The following NMRK1 variants were observed in gnomAD, a reference collection of about 807,000 sequenced individuals.
NMRK1 encodes NRK 1.
In NMRK1, 28 loss-of-function variants were observed where a neutral mutation model predicts 29.9. The ratio of observed to expected loss-of-function variants is 0.94; its 90% CI spans 0.69 to 1.28. The LOEUF (loss-of-function observed/expected upper bound fraction) is 1.28, where lower values mean the gene tolerates loss of function less well. NMRK1 is among the 50% of genes most tolerant of loss of function. NMRK1 has a pLI of 0.00. For missense variants in NMRK1, 218 were observed against 233.1 expected, an observed-to-expected ratio of 0.94 and a Z score of 0.42; for synonymous variants, 58 against 73.0, an observed-to-expected ratio of 0.79 and a Z score of 1.05.
rs1822968165 is a variant in NMRK1, at chr9:75,060,647, A to T, written c.*901T>A. On this transcript the variant is annotated 3_prime_UTR_variant, in exon 9 of 9. Transcript: ENST00000361092. ...TAATTTAAATTCCAGCATTGAAAGC[A>T]GCCTCAAGAGATCACACAATTCAGA... The T allele has an allele frequency of 6.6e-6, 1 of 152,218 alleles. No homozygotes were observed. Among genetic ancestry groups the T allele is most frequent in the Non-Finnish European group, 1.5e-5 (1 of 68,040 alleles). 9.4% of individuals were successfully genotyped at this position (152,218 alleles called of 1,614,324 possible). A position where few individuals can be genotyped will look rare whatever the true frequency, so the allele number is the denominator to read the frequency against.
Position 75,083,147 on chromosome 9 carries a change from T to G in NMRK1, c.-32A>C. 6.7e-7 allele frequency: 1 copy of G among 1,485,334 alleles called. No individual in the cohort carries two copies. The highest frequency in any genetic ancestry group is 9.4e-7 in the Non-Finnish European group (1 of 1,062,756). 92.0% of individuals were successfully genotyped at this position (1,485,334 alleles called of 1,614,324 possible). A position where few individuals can be genotyped will look rare whatever the true frequency, so the allele number is the denominator to read the frequency against. Reference sequence around the variant, plus strand: ...CTTTGAAAATCACAGCTTCCTAATATTTCCTAAAAGTAAAAAAACAAACAA... The same window carrying G: ...CTTTGAAAATCACAGCTTCCTAATAGTTCCTAAAAGTAAAAAAACAAACAA... On this transcript the variant is annotated 5_prime_UTR_variant, in exon 2 of 9. Coordinates refer to ENST00000361092, the MANE Select transcript of NMRK1 (RefSeq NM_017881.3).
intron 7 of NMRK1, chr9:75,067,210 C>T (rs1469129689): frequency 5.7e-6 from 1 of 176,094 alleles, no homozygotes; most frequent in African/African-American, 2.4e-5. Flanking sequence ...AATTCTTCAA[C>T]ATACTTATAC....
intron 2 of NMRK1, among the ~76,000 whole-genome samples, chr9:75,080,870 C>T (rs141542386): frequency 1.3e-3 from 200 of 152,284 alleles, no homozygotes; most frequent in Non-Finnish European, 2.5e-3. Context: ...TCCCCTTCAT[C>T]TTCCACCATG....
chr9:75,075,631 A>C (rs1823945473), intron 4 of NMRK1, among the ~76,000 whole-genome samples: 1 of 152,212 alleles, frequency 6.6e-6, no homozygotes, highest in East Asian at 1.9e-4. Flanking sequence ...TCTACAAAAA[A>C]TGTTTTATGA....
chr9:75,073,967 G>A (rs1157718010), intron 4 of NMRK1, among the ~76,000 whole-genome samples: 1 of 152,186 alleles, frequency 6.6e-6, no homozygotes, highest in Non-Finnish European at 1.5e-5. Context: ...AGTTGCTAGA[G>A]TTATAACAGT....
chr9:75,079,107 A>T (rs1254456568), intron 2 of NMRK1, among the ~76,000 whole-genome samples: 1 of 152,222 alleles, frequency 6.6e-6, no homozygotes, highest in Non-Finnish European at 1.5e-5. Flanking sequence ...AATCTAGAAA[A>T]GGGAAAATGA....
At position 75,069,921 on chromosome 9, in the gene NMRK1, G is replaced by C. The variant is rs144657237; in HGVS notation, c.291C>G (p.Ile97Met). ...ESAEEIPILI[I>M]EGFLLFNYKP... The stretch of plus-strand genomic sequence containing the variant: ...TATAATTAAAAAGAAGAAAACCTTC[G>C]ATGATTAAAATGGGAATTTCCTCAG... Residue 97 changes from isoleucine to methionine, a missense_variant, in exon 5 of 9, where the codon ATC (isoleucine) becomes ATG (methionine). Ile to Met is a conservative substitution (Grantham distance 10). Transcript: ENST00000361092. 5.6e-6 allele frequency: 9 copies of C among 1,613,728 alleles called. No individual in the cohort carries two copies. In the East Asian group the frequency reaches 1.8e-4, roughly 32 times the overall value.
At chr9:75,083,057 TAAA>T (rs1564142162) in intron 2 of NMRK1, 27 bp downstream of exon 2, 2 of 1,525,454 alleles carry the variant, frequency 1.3e-6, no homozygotes, top group South Asian at 2.2e-5. Flanking sequence ...CTCAGTATCT[TAAA>T]GAGCTGTTTG....
chr9:75,066,336 T>C (rs1426992988), intron 8 of NMRK1: 3 of 490,060 alleles, frequency 6.1e-6, no homozygotes, highest in East Asian at 5.7e-5. Context: ...TTAAAATCTT[T>C]TGTTTATCTT....
intron 2 of NMRK1, chr9:75,082,862 G>A (rs918029895): frequency 3.8e-6 from 2 of 530,458 alleles, no homozygotes; most frequent in African/African-American, 3.9e-5. Flanking sequence ...TGGGAAAGTG[G>A]GTAAATGTGG....
chr9:75,060,782 GA>G lies in NMRK1; in HGVS notation c.*765del, dbSNP rs1186314859. Reference sequence around the variant, plus strand: ...GTTTGACAAAAACAAAATGAACCACGAGGGGGGAGAAAGAAACCAGAAACCC... The same window carrying G: ...GTTTGACAAAAACAAAATGAACCACGGGGGGGAGAAAGAAACCAGAAACCC... On this transcript the variant is annotated 3_prime_UTR_variant, in exon 9 of 9. Transcript: ENST00000361092. 1 of 148,744 alleles carries G rather than the reference GA, an allele frequency of 6.7e-6. No individual in the cohort carries two copies. The highest frequency in any genetic ancestry group is 1.5e-5 in the Non-Finnish European group (1 of 67,324). 9.2% of individuals were successfully genotyped at this position (148,744 alleles called of 1,614,324 possible).
intron 8 of NMRK1, among the ~76,000 whole-genome samples, chr9:75,064,166 G>A (rs1219522845): frequency 6.6e-6 from 1 of 152,122 alleles, no homozygotes; most frequent in Non-Finnish European, 1.5e-5. Flanking sequence ...ATTTGGAATG[G>A]AGCTGGTTGC....
intron 4 of NMRK1, among the ~76,000 whole-genome samples, chr9:75,075,960 C>T (rs1823964858): frequency 6.6e-6 from 1 of 152,148 alleles, no homozygotes; most frequent in Non-Finnish European, 1.5e-5. Flanking sequence ...AAAGGGGAAC[C>T]ATCATATACT....
chr9:75,077,632 T>C (rs1824076820), intron 2 of NMRK1, 52 bp from the exon 3 acceptor site: 1 of 1,280,244 alleles, frequency 7.8e-7, no homozygotes, highest in Non-Finnish European at 1.1e-6. Context: ...TTAAAAATCA[T>C]TAAACACTTT....
At chr9:75,079,237 G>A (rs1824180857) in intron 2 of NMRK1, among the ~76,000 whole-genome samples, 2 of 152,174 alleles carry the variant, frequency 1.3e-5, no homozygotes, top group Admixed American at 6.5e-5. Context: ...AATTGGGTAG[G>A]ATATGGGCCA....
chr9:75,070,015 A>AT lies in NMRK1; in HGVS notation c.196dup (p.Met66AsnfsTer25), dbSNP rs763848389. On this transcript the variant is annotated frameshift_variant, in exon 5 of 9. Transcript: ENST00000361092. LOFTEE classifies it high-confidence loss of function. Reference sequence around the variant, plus strand: ...CATCCAGCAGGAAATGGCTGACATCATTTTTTCCATGTTAAGTGCTTCAAG... The same window carrying AT: ...CATCCAGCAGGAAATGGCTGACATCATTTTTTTCCATGTTAAGTGCTTCAAG... The AT allele has an allele frequency of 6.2e-6, 10 of 1,613,490 alleles. No homozygotes were observed. In the South Asian group the frequency reaches 9.9e-5, roughly 16 times the overall value.
chr9:75,078,248 A>T, intron 2 of NMRK1: 2 of 1,539,316 alleles, frequency 1.3e-6, no homozygotes, highest in Non-Finnish European at 1.8e-6. Context: ...AGTGTATAAA[A>T]CTGCATATGG....
chr9:75,079,798 G>A (rs535685794), intron 2 of NMRK1, among the ~76,000 whole-genome samples: 1 of 152,050 alleles, frequency 6.6e-6, no homozygotes, highest in African/African-American at 2.4e-5. Context: ...AAAGGAATAG[G>A]AAGGCCACCC....
chr9:75,069,556 T>C, intron 6 of NMRK1, 186 bp downstream of exon 6: 1 of 566,292 alleles, frequency 1.8e-6, no homozygotes, highest in East Asian at 3.1e-5. Context: ...TCTTAGAAAG[T>C]AATTTGCATT....
Sources: allele counts gnomAD v4.1 joint callset (sites outside exome capture counted in the v4.1 genomes callset), GRCh38; gene constraint gnomAD v4.1.1; transcripts MANE v1.5; gene names NCBI Gene and HGNC (gene_info 2026-07-23, HGNC 2026-07-21).